The following TMEM273 variants were observed in gnomAD, a reference collection of about 807,000 sequenced individuals.
TMEM273 encodes chromosome 10 open reading frame 128.
Under a neutral mutation model 17.9 loss-of-function variants are expected in TMEM273, and 19 were observed. The observed-to-expected ratio is 1.06, with a 90% CI of 0.74 to 1.55. The LOEUF (loss-of-function observed/expected upper bound fraction) is 1.55, where lower values mean the gene tolerates loss of function less well. Among genes scored for constraint, TMEM273 ranks in the 40% most tolerant of loss-of-function variants. TMEM273 has a pLI of 0.00. For synonymous variants in TMEM273, 66 were observed against 62.0 expected (o/e 1.07, Z -0.31); for missense variants, 194 against 155.6 (o/e 1.25, Z -1.31).
chr10:49,160,640 A>G (rs1845785666), intron 6 of TMEM273: 1 of 152,226 alleles, frequency 6.6e-6, no homozygotes, highest in Non-Finnish European at 1.5e-5. Flanking sequence ...ATGATATTAA[A>G]TTAGCATTAA....
chr10:49,166,469 T>G, intron 3 of TMEM273: 1 of 276,612 alleles, frequency 3.6e-6, no homozygotes, highest in African/African-American at 2.2e-5. Context: ...GGACTGGGTT[T>G]ATTTGATCTC....
At chr10:49,176,787 G>A (rs940623783) in intron 1 of TMEM273, among the ~76,000 whole-genome samples, 26 of 152,178 alleles carry the variant, frequency 1.7e-4, no homozygotes, top group Middle Eastern at 6.3e-3. Context: ...AAACCCATCA[G>A]CCTCCACTTA....
intron 1 of TMEM273, among the ~76,000 whole-genome samples, chr10:49,169,002 G>A (rs1431584340): frequency 4.5e-5 from 5 of 110,822 alleles, no homozygotes; most frequent in East Asian, 3.9e-4. Context: ...AATGAGGAAC[G>A]GGAGGCATTG....
rs548300793 is a variant in TMEM273, at chr10:49,161,880, C to T, written c.349-258G>A. ...AACAGCTCCCTGCACGTGGTGAGGG[C>T]GATGTATTAATTATCAGGGGTATAA... On this transcript the variant is annotated intron_variant, in intron 5 of 6. Coordinates refer to ENST00000374153, the MANE Select transcript of TMEM273 (RefSeq NM_001288740.3). Among the ~76,000 whole-genome samples, 6 of 152,232 alleles carry T rather than the reference C, an allele frequency of 3.9e-5. No individual in the cohort carries two copies. In the East Asian group the frequency reaches 9.7e-4, roughly 25 times the overall value.
chr10:49,175,874 A>C (rs1846926023), intron 1 of TMEM273, among the ~76,000 whole-genome samples: 1 of 152,182 alleles, frequency 6.6e-6, no homozygotes, highest in South Asian at 2.1e-4. Context: ...AGTGGTATCC[A>C]GGGAGGGCCA....
At chr10:49,177,726 G>A (rs1408649326) in intron 1 of TMEM273, among the ~76,000 whole-genome samples, 1 of 152,204 alleles carries the variant, frequency 6.6e-6, no homozygotes, top group East Asian at 1.9e-4. Context: ...CGGTTTGGGA[G>A]GGTCTCTTTT....
intron 1 of TMEM273, chr10:49,178,492 G>C (rs1590239680): frequency 5.9e-6 from 2 of 339,776 alleles, no homozygotes; most frequent in East Asian, 1.5e-4. Flanking sequence ...CAAAACAGAT[G>C]ACATGTGAGG....
intron 1 of TMEM273, among the ~76,000 whole-genome samples, chr10:49,176,563 G>A (rs1421178725): frequency 3.9e-5 from 6 of 152,232 alleles, no homozygotes; most frequent in South Asian, 2.1e-4. Flanking sequence ...TTGCATAACC[G>A]CTAAGTGGTG....
intron 1 of TMEM273, among the ~76,000 whole-genome samples, chr10:49,176,224 T>C (rs910738340): frequency 4.6e-5 from 7 of 152,170 alleles, no homozygotes; most frequent in African/African-American, 1.7e-4. Context: ...GATGGGTGTC[T>C]GCCACTATCC....
chr10:49,166,023 C>A (rs951854568), intron 3 of TMEM273, among the ~76,000 whole-genome samples: 1 of 152,166 alleles, frequency 6.6e-6, no homozygotes, highest in Non-Finnish European at 1.5e-5. Context: ...GCCTATTAAG[C>A]CCCTCGGGCG....
intron 4 of TMEM273, 48 bp from the exon 5 acceptor site, chr10:49,165,331 C>A: frequency 1.3e-6 from 2 of 1,550,372 alleles, no homozygotes; most frequent in Non-Finnish European, 1.7e-6. Flanking sequence ...GCAAAGGTCC[C>A]AAGGCAGGAC....
At chr10:49,179,622 T>C (rs747731341) in intron 1 of TMEM273, among the ~76,000 whole-genome samples, 62 of 152,018 alleles carry the variant, frequency 4.1e-4, no homozygotes, top group African/African-American at 1.4e-3. Context: ...AAAAAACAAA[T>C]ATAAAAAGAC....
chr10:49,181,161 A>G (rs1210598243), intron 1 of TMEM273, among the ~76,000 whole-genome samples: 2 of 152,254 alleles, frequency 1.3e-5, no homozygotes, highest in Non-Finnish European at 2.9e-5. Context: ...ACGATCACTC[A>G]TAAATTATGC....
At chr10:49,165,851 G>A in intron 3 of TMEM273, 55 bp from the exon 4 acceptor site, 1 of 1,607,332 alleles carries the variant, frequency 6.2e-7, no homozygotes, top group South Asian at 1.1e-5. Context: ...GAGGTGCAGA[G>A]CATTCCCTAG....
intron 5 of TMEM273, among the ~76,000 whole-genome samples, chr10:49,162,480 T>C (rs535408457): frequency 2.6e-5 from 4 of 152,324 alleles, no homozygotes; most frequent in Non-Finnish European, 4.4e-5. Flanking sequence ...GGTCTGGCGA[T>C]TTGCAAAGCA....
intron 6 of TMEM273, among the ~76,000 whole-genome samples, chr10:49,156,929 G>C (rs1845547323): frequency 1.3e-5 from 2 of 152,338 alleles, no homozygotes; most frequent in East Asian, 3.9e-4. Context: ...TTCCAAGCAA[G>C]GGCCTCAAAT....
Position 49,155,811 on chromosome 10 carries a change from T to C in TMEM273, c.*81A>G. 1.9e-6 allele frequency: 3 copies of C among 1,609,986 alleles called. No individual in the cohort carries two copies. Among genetic ancestry groups the C allele is most frequent in the South Asian group, 2.2e-5 (2 of 90,500 alleles). The stretch of plus-strand genomic sequence containing the variant: ...TCATTACCAGCCTTGGGTGTTTGAA[T>C]GCAGAACATCCTGAGATGTTAACCA... On this transcript the variant is annotated 3_prime_UTR_variant, in exon 7 of 7. Transcript: ENST00000374153.
intron 1 of TMEM273, among the ~76,000 whole-genome samples, chr10:49,176,569 T>A (rs907822059): frequency 2.0e-5 from 3 of 152,128 alleles, no homozygotes; most frequent in Non-Finnish European, 4.4e-5. Context: ...AACCGCTAAG[T>A]GGTGGGGTTA....
intron 5 of TMEM273, among the ~76,000 whole-genome samples, chr10:49,162,971 G>A (rs1006632961): frequency 5.9e-5 from 9 of 152,204 alleles, no homozygotes; most frequent in Non-Finnish European, 8.8e-5. Context: ...CTGACTCAGC[G>A]CCCAACCCAC....
Sources: allele counts gnomAD v4.1 joint callset (sites outside exome capture counted in the v4.1 genomes callset), GRCh38; gene constraint gnomAD v4.1.1; transcripts MANE v1.5; gene names NCBI Gene and HGNC (gene_info 2026-07-23, HGNC 2026-07-21).